The following POLA2 variants were observed in gnomAD, a reference collection of about 807,000 sequenced individuals.
The protein encoded by POLA2 is DNA polymerase alpha 2, accessory subunit.
In POLA2, 47 loss-of-function variants were observed where a neutral mutation model predicts 82.8. That is an observed-to-expected ratio of 0.57 (90% CI 0.45 to 0.72). The LOEUF (loss-of-function observed/expected upper bound fraction) is 0.72. Among genes scored for constraint, POLA2 ranks in the 30% least tolerant of loss-of-function variants. POLA2 has a pLI of 0.00. For missense variants in POLA2, 634 were observed against 728.1 expected, an observed-to-expected ratio of 0.87 and a Z score of 1.49; for synonymous variants, 287 against 286.8, an observed-to-expected ratio of 1.00 and a Z score of -0.01.
intron 1 of POLA2, among the ~76,000 whole-genome samples, chr11:65,262,596 A>G (rs1000409375): frequency 6.6e-6 from 1 of 152,084 alleles, no homozygotes; most frequent in African/African-American, 2.4e-5. Flanking sequence ...AAATAGGAAT[A>G]TGCAGCACGA....
intron 4 of POLA2, among the ~76,000 whole-genome samples, chr11:65,274,224 T>C (rs1949552157): frequency 6.6e-6 from 1 of 151,482 alleles, no homozygotes; most frequent in African/African-American, 2.4e-5. Flanking sequence ...TGGTGGTGCA[T>C]GCCTGTAGTC....
At chr11:65,285,236 T>A (rs1278831721) in intron 10 of POLA2, among the ~76,000 whole-genome samples, 1 of 151,882 alleles carries the variant, frequency 6.6e-6, no homozygotes, top group African/African-American at 2.4e-5. Context: ...AAACCCCATC[T>A]CCACTAAAAA....
intron 7 of POLA2, 134 bp from the exon 8 acceptor site, chr11:65,280,858 A>C: frequency 1.2e-6 from 1 of 809,718 alleles, no homozygotes; most frequent in Admixed American, 2.5e-5. Flanking sequence ...TAGTCACCTC[A>C]GGGTCAAAGC....
chr11:65,291,510 C>T (rs975783639), intron 13 of POLA2, among the ~76,000 whole-genome samples: 1 of 152,188 alleles, frequency 6.6e-6, no homozygotes. Flanking sequence ...CTTCCCTCTT[C>T]CCCAGATTTG....
At chr11:65,280,207 A>G (rs942111941) in intron 7 of POLA2, among the ~76,000 whole-genome samples, 3 of 152,242 alleles carry the variant, frequency 2.0e-5, no homozygotes, top group Non-Finnish European at 4.4e-5. Context: ...AGTGATGCAG[A>G]ACTGTGTCAT....
rs138015744 is a variant in POLA2 at position 65,277,879 on chromosome 11, G to C, written c.462-851G>C. ...AAGTAACTTCTAAACTATTCACGTA[G>C]AGGTGGCACTGGAGATTGAGATAAT... On this transcript the variant is annotated intron_variant, in intron 5 of 17. Transcript: ENST00000265465. Among the ~76,000 whole-genome samples, 470 of 152,308 alleles carry C rather than the reference G, an allele frequency of 3.1e-3. 1 individual carries two copies. The highest frequency in any genetic ancestry group is 0.017 in the Middle Eastern group (5 of 294).
chr11:65,270,805 C>G (rs1949513878), intron 4 of POLA2, among the ~76,000 whole-genome samples: 1 of 152,208 alleles, frequency 6.6e-6, no homozygotes, highest in Non-Finnish European at 1.5e-5. Context: ...CTAACCACCT[C>G]TCCACCCAGC....
intron 10 of POLA2, among the ~76,000 whole-genome samples, chr11:65,285,760 A>T (rs1949691170): frequency 6.6e-6 from 1 of 152,160 alleles, no homozygotes; most frequent in African/African-American, 2.4e-5. Flanking sequence ...CTTTTGTACA[A>T]GGAATTAAAT....
chr11:65,287,788 T>C lies in POLA2; in HGVS notation c.1079T>C (p.Leu360Pro), dbSNP rs1949712821. ...TCTGACAGCATCACGTATGACCCCC[T>C]GCTTGACCTGATTGCTGTCATCAAC... ...TTSDSITYDP[L>P]LDLIAVINHD... The change falls in exon 11 of 18, where the codon CTG becomes CCG. Residue 360 changes from leucine to proline, a missense_variant. Coordinates refer to ENST00000265465, the MANE Select transcript of POLA2 (RefSeq NM_002689.4). The C allele has an allele frequency of 3.7e-6, 6 of 1,613,878 alleles. No individual in the cohort carries two copies. Among genetic ancestry groups the C allele is most frequent in the Non-Finnish European group, 5.1e-6 (6 of 1,179,954 alleles).
At chr11:65,299,322 T>C (rs369216814), downstream of POLA2, among the ~76,000 whole-genome samples, 10 of 152,302 alleles carry the variant, frequency 6.6e-5, 1 homozygote, top group East Asian at 1.7e-3. Flanking sequence ...TTGCCTCCCA[T>C]GCCCATGCCC....
At position 65,295,850 on chromosome 11, in the gene POLA2, C is replaced by G. The variant is rs1435999727; in HGVS notation, c.1521-14C>G. 3.7e-6 allele frequency: 6 copies of G among 1,603,032 alleles called. No individual in the cohort carries two copies. The highest frequency in any genetic ancestry group is 5.1e-6 in the Non-Finnish European group (6 of 1,170,890). On this transcript the variant is annotated splice_polypyrimidine_tract_variant and intron_variant, in intron 16 of 17. Transcript: ENST00000265465. ...CGGTCAGCTAGTGCTGACAATTTCTCTCTGTCTCTGTAGCTACTACCCACT... is the reference window on the plus strand; with the variant it reads ...CGGTCAGCTAGTGCTGACAATTTCTGTCTGTCTCTGTAGCTACTACCCACT...
chr11:65,278,333 C>T (rs1949602748), intron 5 of POLA2, among the ~76,000 whole-genome samples: 1 of 152,190 alleles, frequency 6.6e-6, no homozygotes, highest in Non-Finnish European at 1.5e-5. Context: ...AGCTTATCCA[C>T]AGTTGCAGGC....
chr11:65,264,499 T>A (rs988631242), intron 1 of POLA2, among the ~76,000 whole-genome samples: 1 of 152,172 alleles, frequency 6.6e-6, no homozygotes, highest in Non-Finnish European at 1.5e-5. Context: ...AGGCCCCTGG[T>A]CTCTTTACTC....
intron 8 of POLA2, 67 bp from the exon 9 acceptor site, chr11:65,281,603 A>G (rs540051936): frequency 1.7e-6 from 2 of 1,161,584 alleles, no homozygotes; most frequent in Admixed American, 3.5e-5. Flanking sequence ...TAACTGCCTC[A>G]AAATAATGTA....
chr11:65,264,682 C>A (rs1027210534), intron 1 of POLA2, among the ~76,000 whole-genome samples: 5 of 152,200 alleles, frequency 3.3e-5, no homozygotes, highest in Admixed American at 3.3e-4. Flanking sequence ...TATACCTAGC[C>A]TTCTTTCCTA....
Position 65,269,486 on chromosome 11 carries a change from C to CAA in POLA2, c.354+773_354+774dup, listed in dbSNP as rs1294987727. On this transcript the variant is annotated intron_variant, in intron 4 of 17. Transcript: ENST00000265465. ...TGGGCGACAGAGCGAGACTCCGTCT[C>CAA]AAAAAAAAAAAAAAAAACAACAACA... is the stretch of plus-strand genomic sequence containing the variant. 7.6e-3 allele frequency among the ~76,000 whole-genome samples: 763 copies of CAA among 99,970 alleles called. 5 individuals carry two copies. Among genetic ancestry groups the CAA allele is most frequent in the African/African-American group, 0.035 (714 of 20,450 alleles). 65.6% of individuals were successfully genotyped at this position (99,970 alleles called of 152,430 possible). A position where few individuals can be genotyped will look rare whatever the true frequency, so the allele number is the denominator to read the frequency against.
intron 5 of POLA2, among the ~76,000 whole-genome samples, chr11:65,277,175 CTTTCTTTTT>C (rs965080908): frequency 2.7e-5 from 4 of 146,214 alleles, no homozygotes; most frequent in African/African-American, 1.0e-4. Context: ...TTTTTCTTTT[CTTTCTTTTT>C]TTTTTTTTTT....
chr11:65,281,818 T>C (rs1355875220), intron 9 of POLA2, 86 bp downstream of exon 9: 28 of 1,060,596 alleles, frequency 2.6e-5, no homozygotes, highest in Admixed American at 5.3e-5. Flanking sequence ...CTGGTCCTTT[T>C]TAGGAGCCCA....
At chr11:65,299,444 A>T (rs900859555), downstream of POLA2, among the ~76,000 whole-genome samples, 1 of 152,194 alleles carries the variant, frequency 6.6e-6, no homozygotes, top group Non-Finnish European at 1.5e-5. Context: ...AGGGAACAGA[A>T]GCCACTCCTA....
Sources: allele counts gnomAD v4.1 joint callset (sites outside exome capture counted in the v4.1 genomes callset), GRCh38; gene constraint gnomAD v4.1.1; transcripts MANE v1.5; gene names NCBI Gene and HGNC (gene_info 2026-07-23, HGNC 2026-07-21).